TTBK2: variants seen among roughly 807,000 people sequenced by gnomAD.
The protein encoded by TTBK2 is tau tubulin kinase 2.
TTBK2 carries 28 observed loss-of-function variants against 110.8 expected under a neutral mutation model. That is an observed-to-expected ratio of 0.25 (90% CI 0.19 to 0.35). The LOEUF is 0.35. Among genes scored for constraint, TTBK2 ranks in the 10% least tolerant of loss-of-function variants. The pLI is 1.00. For synonymous variants in TTBK2, 532 were observed against 527.3 expected (o/e 1.01, Z -0.12); for missense variants, 1,369 against 1,500.3 (o/e 0.91, Z 1.45).
At chr15:42,919,407 C>A (rs991844728) in intron 1 of TTBK2, among the ~76,000 whole-genome samples, 4 of 152,214 alleles carry the variant, frequency 2.6e-5, no homozygotes, top group African/African-American at 9.6e-5. Flanking sequence ...AGGTACACAG[C>A]CAACACATCT....
intron 1 of TTBK2, among the ~76,000 whole-genome samples, chr15:42,908,742 T>C (rs544264862): frequency 3.4e-4 from 52 of 152,178 alleles, no homozygotes; most frequent in Non-Finnish European, 5.0e-4. Context: ...ATGCATACCC[T>C]GTGACTCAGC....
chr15:42,876,990 A>G (rs1894842783), intron 2 of TTBK2, among the ~76,000 whole-genome samples: 1 of 152,208 alleles, frequency 6.6e-6, no homozygotes, highest in Non-Finnish European at 1.5e-5. Context: ...CTAATTGATC[A>G]CTTTTGGAGA....
chr15:42,857,599 A>G (rs984465934), intron 3 of TTBK2: 23 of 152,308 alleles, frequency 1.5e-4, no homozygotes, highest in Admixed American at 5.2e-4. Flanking sequence ...TGAGTCTCTA[A>G]TCCATTCTTA....
chr15:42,900,723 C>T (rs908559105), intron 1 of TTBK2, among the ~76,000 whole-genome samples: 4 of 151,534 alleles, frequency 2.6e-5, no homozygotes, highest in Admixed American at 2.0e-4. Flanking sequence ...CTCCATCCCC[C>T]CACCAAAAAA....
At chr15:42,797,904 G>A (rs1436304956) in intron 9 of TTBK2, among the ~76,000 whole-genome samples, 1 of 151,450 alleles carries the variant, frequency 6.6e-6, no homozygotes, top group Non-Finnish European at 1.5e-5. Context: ...TTATTTTTGA[G>A]ACGGAGTCTC....
chr15:42,816,843 CGGGA>C, intron 7 of TTBK2, among the ~76,000 whole-genome samples, 185 bp downstream of exon 7: 1 of 151,720 alleles, frequency 6.6e-6, no homozygotes, highest in Non-Finnish European at 1.5e-5. Flanking sequence ...CACTTGAACC[CGGGA>C]GGCAGAGGTT....
intron 4 of TTBK2, among the ~76,000 whole-genome samples, chr15:42,833,743 C>A (rs1014341726): frequency 6.6e-6 from 1 of 152,062 alleles, no homozygotes; most frequent in South Asian, 2.1e-4. Context: ...GGCATGGTGG[C>A]TCACATCTGC....
At chr15:42,816,436 C>T (rs1892031376) in intron 7 of TTBK2, among the ~76,000 whole-genome samples, 1 of 151,906 alleles carries the variant, frequency 6.6e-6, no homozygotes, top group Non-Finnish European at 1.5e-5. Flanking sequence ...TTCCCAAAGA[C>T]ATAAATATAC....
intron 11 of TTBK2, among the ~76,000 whole-genome samples, chr15:42,778,674 A>C (rs1890041073): frequency 6.6e-6 from 1 of 152,218 alleles, no homozygotes. Flanking sequence ...TCTCAAAAAA[A>C]CAAAAACAAA....
In TTBK2 at chr15:42,745,748, G is replaced by A; in HGVS notation, c.*47C>T. On this transcript the variant is annotated 3_prime_UTR_variant, in exon 15 of 15. Coordinates refer to ENST00000267890, the MANE Select transcript of TTBK2 (RefSeq NM_173500.4). ...AAGTACAGGGACACACATGCATCAG[G>A]TTTAGGAGGAAGATCTCACACCTTT... 6.2e-7 allele frequency: 1 copy of A among 1,606,392 alleles called. No individual in the cohort carries two copies. The highest frequency in any genetic ancestry group is 8.5e-7 in the Non-Finnish European group (1 of 1,174,146).
chr15:42,770,214 A>G (rs528381125), intron 13 of TTBK2, among the ~76,000 whole-genome samples: 6 of 152,170 alleles, frequency 3.9e-5, no homozygotes, highest in Admixed American at 1.3e-4. Flanking sequence ...CCTGCACGTC[A>G]TGCACACGTA....
Position 42,816,085 on chromosome 15 carries a change from A to ATATATATATAT in TTBK2, c.603+946_603+947insATATATATATA, listed in dbSNP as rs1567040790. On this transcript the variant is annotated intron_variant, in intron 7 of 14. Transcript: ENST00000267890. ...ATATATATATAAAAATAAATAAATA[A>ATATATATATAT]ATATATATATATATATATATATATA... is the stretch of plus-strand genomic sequence containing the variant. 3.8e-3 allele frequency among the ~76,000 whole-genome samples: 259 copies of ATATATATATAT among 67,362 alleles called. 8 individuals carry two copies. Among genetic ancestry groups the ATATATATATAT allele is most frequent in the African/African-American group, 8.2e-3 (107 of 13,128 alleles). 44.2% of individuals were successfully genotyped at this position (67,362 alleles called of 152,430 possible).
At chr15:42,770,335 G>A (rs1889616469) in intron 13 of TTBK2, among the ~76,000 whole-genome samples, 2 of 152,094 alleles carry the variant, frequency 1.3e-5, no homozygotes, top group African/African-American at 4.8e-5. Flanking sequence ...CACTTAAACT[G>A]TTTCTTTACT....
chr15:42,790,304 A>G (rs536336578), intron 10 of TTBK2, among the ~76,000 whole-genome samples: 1 of 113,044 alleles, frequency 8.8e-6, no homozygotes, highest in South Asian at 2.9e-4. Context: ...TTTTTTTTTG[A>G]GTCAGGATCT....
At chr15:42,886,501 GC>G (rs1895252925) in intron 1 of TTBK2, among the ~76,000 whole-genome samples, 1 of 152,078 alleles carries the variant, frequency 6.6e-6, no homozygotes, top group African/African-American at 2.4e-5. Flanking sequence ...ACTCTTAGAC[GC>G]TTTACCGCCC....
At chr15:42,813,140 A>T (rs989079541) in intron 7 of TTBK2, among the ~76,000 whole-genome samples, 4 of 152,184 alleles carry the variant, frequency 2.6e-5, no homozygotes, top group Non-Finnish European at 5.9e-5. Context: ...ATCAAATCCC[A>T]AACAGATAAA....
chr15:42,872,259 T>C (rs1050047552), intron 3 of TTBK2, among the ~76,000 whole-genome samples: 13 of 152,118 alleles, frequency 8.5e-5, no homozygotes, highest in Non-Finnish European at 1.6e-4. Flanking sequence ...TCCAAAGACT[T>C]GAGTAGAGAC....
At chr15:42,830,971 C>G (rs1892734058) in intron 4 of TTBK2, among the ~76,000 whole-genome samples, 2 of 151,258 alleles carry the variant, frequency 1.3e-5, no homozygotes, top group South Asian at 4.2e-4. Context: ...CGCCACCGCA[C>G]TACAGCCTGG....
chr15:42,844,670 A>G (rs1893373577), intron 3 of TTBK2, among the ~76,000 whole-genome samples: 1 of 152,218 alleles, frequency 6.6e-6, no homozygotes, highest in Non-Finnish European at 1.5e-5. Flanking sequence ...TGTAAGTATT[A>G]TTATATTCTC....
Sources: gnomAD v4.1 joint callset for allele counts (sites outside exome capture counted in the v4.1 genomes callset) on GRCh38, gnomAD v4.1.1 for gene constraint, MANE v1.5 for transcripts, NCBI Gene and HGNC (gene_info 2026-07-23, HGNC 2026-07-21) for gene names.